MTAP: variants seen among roughly 807,000 people sequenced by gnomAD.
MTAP encodes the protein methylthioadenosine phosphorylase, also known as S-methyl-5'-thioadenosine phosphorylase.
MTAP carries 33 observed loss-of-function variants against 33.6 expected under a neutral mutation model. The ratio of observed to expected loss-of-function variants is 0.98; its 90% CI spans 0.74 to 1.31. The LOEUF is 1.31. Among genes scored for constraint, MTAP ranks in the 40% most tolerant of loss-of-function variants. MTAP has a pLI of 0.00. For synonymous variants in MTAP, 148 were observed against 125.7 expected (o/e 1.18, Z -1.19); for missense variants, 367 against 360.0 (o/e 1.02, Z -0.16).
intron 1 of MTAP, among the ~76,000 whole-genome samples, chr9:21,898,643 C>A (rs1334899761): frequency 6.6e-6 from 1 of 152,184 alleles, no homozygotes; most frequent in East Asian, 1.9e-4. Context: ...TGTTCATCAT[C>A]ACTGGCCATC....
intron 5 of MTAP, among the ~76,000 whole-genome samples, chr9:21,848,155 G>A (rs1009334610): frequency 6.6e-6 from 1 of 152,152 alleles, no homozygotes; most frequent in South Asian, 2.1e-4. Flanking sequence ...CCCTGAGGCA[G>A]TTGCCAGGCA....
At chr9:21,842,802 C>G (rs1236799717) in intron 5 of MTAP, among the ~76,000 whole-genome samples, 1 of 152,122 alleles carries the variant, frequency 6.6e-6, no homozygotes, top group Admixed American at 6.5e-5. Flanking sequence ...CAAAATAGAA[C>G]CTCATTAAAG....
rs535590364 is a variant in MTAP, at chr9:21,910,275, G to A, written c.148-20733G>A. ...ACACACAAAGATTCACACCATTAAAGAGTTTGTATCTTAGCATGAGGGAGG... is the reference window on the plus strand; with the variant it reads ...ACACACAAAGATTCACACCATTAAAAAGTTTGTATCTTAGCATGAGGGAGG... On this transcript the variant is annotated intron_variant, in intron 1 of 1. Transcript: ENST00000577563. Among the ~76,000 whole-genome samples the A allele has an allele frequency of 1.5e-3, 229 of 151,948 alleles. 1 individual carries two copies. The highest frequency in any genetic ancestry group is 2.6e-3 in the Non-Finnish European group (176 of 67,950).
chr9:21,869,443 T>G (rs1211404762), downstream of MTAP, among the ~76,000 whole-genome samples: 1 of 152,306 alleles, frequency 6.6e-6, no homozygotes, highest in South Asian at 2.1e-4. Context: ...ATTTTCTTCC[T>G]TCATTGATGG....
downstream of MTAP, chr9:21,934,393 C>G (rs1156886255): frequency 6.6e-6 from 1 of 152,166 alleles, no homozygotes; most frequent in Non-Finnish European, 1.5e-5. The surrounding 1 kb of genome is among the most constrained non-coding windows in gnomAD (Gnocchi z 5.0). Context: ...TTCTCTTTAA[C>G]AGTATGATAC....
intron 1 of MTAP, among the ~76,000 whole-genome samples, chr9:21,813,330 A>G (rs1192228651): frequency 6.6e-6 from 1 of 152,192 alleles, no homozygotes; most frequent in African/African-American, 2.4e-5. Context: ...TTGCCTGCAG[A>G]TCATTCCAGA....
intron 1 of MTAP, chr9:21,930,693 C>G (rs1818943436): frequency 1.8e-6 from 1 of 569,968 alleles, no homozygotes; most frequent in African/African-American, 1.9e-5. Flanking sequence ...AGTTGTAGTC[C>G]TCCAAAACTG....
Position 21,802,715 on chromosome 9 carries a change from G to C in MTAP, c.-34G>C. Reference sequence around the variant, plus strand: ...TCGCTTGGTTCCCTTAGTCCCGAGCGCTCGCCCACTGCAGATTCCTTTCCC... The same window carrying C: ...TCGCTTGGTTCCCTTAGTCCCGAGCCCTCGCCCACTGCAGATTCCTTTCCC... On this transcript the variant is annotated 5_prime_UTR_variant, in exon 1 of 8. Coordinates refer to ENST00000644715, the MANE Select transcript of MTAP (RefSeq NM_002451.4). 1 of 1,609,168 alleles carries C rather than the reference G, an allele frequency of 6.2e-7. No homozygotes were observed. Among genetic ancestry groups the C allele is most frequent in the Non-Finnish European group, 8.5e-7 (1 of 1,178,436 alleles).
chr9:21,825,452 G>A (rs1466979513), intron 4 of MTAP, among the ~76,000 whole-genome samples: 1 of 152,136 alleles, frequency 6.6e-6, no homozygotes, highest in African/African-American at 2.4e-5. Context: ...TTTTAGTAAT[G>A]GCTGTATTAA....
At chr9:21,821,618 A>G (rs944276317) in intron 4 of MTAP, among the ~76,000 whole-genome samples, 6 of 152,176 alleles carry the variant, frequency 3.9e-5, no homozygotes, top group Admixed American at 1.3e-4. Context: ...AGGCTTTGGT[A>G]TCAGGATGAT....
exon 8 of MTAP, chr9:21,936,551 G>A (rs1445259533): frequency 6.6e-6 from 1 of 152,092 alleles, no homozygotes; most frequent in Non-Finnish European, 1.5e-5. Context: ...CTTAACATAA[G>A]TTAATCTACT....
At chr9:21,926,154 A>G (rs146070942) in intron 1 of MTAP, among the ~76,000 whole-genome samples, 1 of 152,316 alleles carries the variant, frequency 6.6e-6, no homozygotes, top group Non-Finnish European at 1.5e-5. Flanking sequence ...CAAGAATATC[A>G]GGAAAGGTCA....
chr9:21,923,913 A>G (rs1360791447), intron 1 of MTAP, among the ~76,000 whole-genome samples: 1 of 152,234 alleles, frequency 6.6e-6, no homozygotes, highest in Non-Finnish European at 1.5e-5. Context: ...TGCAGGTGCA[A>G]GAGACAAAGT....
At chr9:21,928,492 G>A (rs535639183) in intron 1 of MTAP, among the ~76,000 whole-genome samples, 7 of 152,192 alleles carry the variant, frequency 4.6e-5, no homozygotes, top group East Asian at 1.9e-4. Flanking sequence ...TTCACAGAAC[G>A]GGAAGACTCC....
At position 21,929,730 on chromosome 9, in the gene MTAP, T is replaced by A. The variant is rs1325432202; in HGVS notation, c.148-1278T>A. The A allele has an allele frequency of 1.9e-5, 4 of 211,404 alleles. No individual in the cohort carries two copies. The East Asian group carries it at 4.5e-4, about 24-fold the overall frequency. The allele number at this position is 211,404 out of a possible 1,614,324, so 13.1% of individuals were successfully genotyped here. On this transcript the variant is annotated intron_variant, in intron 1 of 1. Coordinates refer to the MTAP transcript ENST00000577563. ...AGCTATTTGGGTCTGCAAATAACAT[T>A]TTTTGCAAAAGCAAAGCAGTATTTA...
At chr9:21,804,603 AGCACCG>A (rs991463195) in intron 1 of MTAP, among the ~76,000 whole-genome samples, 3 of 152,308 alleles carry the variant, frequency 2.0e-5, no homozygotes, top group South Asian at 2.1e-4. Flanking sequence ...CCATGATGCC[AGCACCG>A]TATTCCCCAG....
intron 1 of MTAP, among the ~76,000 whole-genome samples, chr9:21,813,231 C>T (rs1025537404): frequency 3.9e-5 from 6 of 152,200 alleles, no homozygotes; most frequent in Non-Finnish European, 7.3e-5. Context: ...CCTGGGATGG[C>T]GGGACTCAGT....
chr9:21,827,688 C>T (rs751307279), intron 4 of MTAP, among the ~76,000 whole-genome samples: 8 of 152,172 alleles, frequency 5.3e-5, no homozygotes, highest in Non-Finnish European at 8.8e-5. Flanking sequence ...CACCAACACC[C>T]ACAACAGTTC....
In MTAP at chr9:21,915,093, CT is replaced by C. The variant is rs1360198433; in HGVS notation, c.148-15911del. Among the ~76,000 whole-genome samples, 11 of 117,966 alleles carry C rather than the reference CT, an allele frequency of 9.3e-5. 1 individual carries two copies. In the East Asian group the frequency reaches 2.2e-3, roughly 23 times the overall value. 77.4% of individuals were successfully genotyped at this position (117,966 alleles called of 152,430 possible). On this transcript the variant is annotated intron_variant, in intron 1 of 1. Transcript: ENST00000577563. ...CTTTCTTTCTTTCTTTCCTTTCTTT[CT>C]TTTCTTTCGGCAGAGTCTTGCCCTC... is the stretch of plus-strand genomic sequence containing the variant.
Sources: gnomAD v4.1 joint callset for allele counts (sites outside exome capture counted in the v4.1 genomes callset) on GRCh38, gnomAD v4.1.1 for gene constraint, Gnocchi (gnomAD v3.1) non-coding constraint, MANE v1.5 for transcripts, NCBI Gene and HGNC (gene_info 2026-07-23, HGNC 2026-07-21) for gene names.